The following STAU2 variants were observed in gnomAD, a reference collection of about 807,000 sequenced individuals.
STAU2 encodes double-stranded RNA-binding protein Staufen homolog 2.
STAU2 carries 20 observed loss-of-function variants against 65.9 expected under a neutral mutation model. That is an observed-to-expected ratio of 0.30 (90% CI 0.21 to 0.44). The LOEUF (loss-of-function observed/expected upper bound fraction) is 0.44, where lower values mean the gene tolerates loss of function less well. Among genes scored for constraint, STAU2 ranks in the 20% least tolerant of loss-of-function variants. The pLI, the probability that STAU2 is intolerant of heterozygous loss-of-function variation, is 1.00. For missense variants in STAU2, 558 were observed against 683.9 expected (o/e 0.82, Z 2.05); for synonymous variants, 232 against 233.9 (o/e 0.99, Z 0.07).
chr8:73,556,523 C>T (rs377712758), intron 12 of STAU2, among the ~76,000 whole-genome samples: 9 of 152,106 alleles, frequency 5.9e-5, no homozygotes, highest in African/African-American at 1.7e-4. Context: ...TTTGGGAGGC[C>T]GAAGCTGGCA....
intron 3 of STAU2, among the ~76,000 whole-genome samples, chr8:73,735,191 A>G (rs1379278562): frequency 6.6e-6 from 1 of 152,192 alleles, no homozygotes; most frequent in Non-Finnish European, 1.5e-5. Flanking sequence ...TCAGCCTCCC[A>G]AAGTGCTGGG....
chr8:73,427,155 C>A (rs1311757886), intron 13 of STAU2, among the ~76,000 whole-genome samples: 1 of 151,880 alleles, frequency 6.6e-6, no homozygotes, highest in Non-Finnish European at 1.5e-5. Flanking sequence ...CTCGAACTCC[C>A]GACCTCAGGT....
chr8:73,597,645 G>C (rs1316908935), intron 10 of STAU2, among the ~76,000 whole-genome samples: 1 of 136,156 alleles, frequency 7.3e-6, no homozygotes, highest in Non-Finnish European at 1.5e-5. Flanking sequence ...ACTCCAGCCT[G>C]GGCGATAGAG....
At position 73,448,011 on chromosome 8, in the gene STAU2, C is replaced by T. The variant is rs528920374; in HGVS notation, c.1531-25309G>A. On this transcript the variant is annotated intron_variant, in intron 13 of 14. Coordinates refer to ENST00000524300, the MANE Select transcript of STAU2 (RefSeq NM_001164380.2). ...CCAACATCTTCCAACTTCACTTCCT[C>T]GTTTCCACCACCGACCCATTCCCAA... Among the ~76,000 whole-genome samples, 5 of 152,228 alleles carry T rather than the reference C, an allele frequency of 3.3e-5. No homozygotes were observed. In the South Asian group the frequency reaches 1.0e-3, roughly 32 times the overall value.
At chr8:73,681,165 C>CTTA in intron 5 of STAU2, among the ~76,000 whole-genome samples, 2 of 152,036 alleles carry the variant, frequency 1.3e-5, no homozygotes, top group African/African-American at 4.8e-5. Context: ...CACAGTCAAT[C>CTTA]AGGTTATCTA....
intron 6 of STAU2, among the ~76,000 whole-genome samples, chr8:73,627,642 G>T (rs1240338769): frequency 1.3e-5 from 2 of 150,522 alleles, no homozygotes; most frequent in Admixed American, 6.6e-5. Context: ...AATTTATTTT[G>T]CTAATTTTGT....
Position 73,593,903 on chromosome 8 carries a change from ACACG to A in STAU2, c.1161+1259_1161+1262del, listed in dbSNP as rs950495326. ...CATACACACACACACACACACACAC[ACACG>A]TTGATGGTTCTTTTTCTTTGGAGAA... On this transcript the variant is annotated intron_variant, in intron 11 of 14. Coordinates refer to ENST00000524300, the MANE Select transcript of STAU2 (RefSeq NM_001164380.2). 7.1e-5 allele frequency among the ~76,000 whole-genome samples: 10 copies of A among 140,132 alleles called. No individual in the cohort carries two copies. In the East Asian group the frequency reaches 1.5e-3, roughly 21 times the overall value. The allele number at this position is 140,132 out of a possible 152,430, so 91.9% of individuals were successfully genotyped here.
chr8:73,465,439 A>G (rs1035495993), intron 13 of STAU2, among the ~76,000 whole-genome samples: 2 of 152,232 alleles, frequency 1.3e-5, no homozygotes, highest in African/African-American at 4.8e-5. Flanking sequence ...TTTCTTTGTT[A>G]GTAGAGGTAT....
At chr8:73,542,318 A>G (rs1806597455) in intron 13 of STAU2, among the ~76,000 whole-genome samples, 1 of 152,182 alleles carries the variant, frequency 6.6e-6, no homozygotes, top group African/African-American at 2.4e-5. Context: ...CATACCATAC[A>G]TTAAAAATTA....
intron 3 of STAU2, among the ~76,000 whole-genome samples, chr8:73,715,078 G>A (rs1358813808): frequency 3.1e-5 from 4 of 129,948 alleles, no homozygotes; most frequent in African/African-American, 9.2e-5. Context: ...GCGAGACTCC[G>A]TCTCAAAAAA....
In STAU2 at chr8:73,702,993, A is replaced by C. The variant is rs891522301; in HGVS notation, c.114+6039T>G. On this transcript the variant is annotated intron_variant, in intron 4 of 14. Transcript: ENST00000524300. ...TTGCAAAAAAATTTGGCAATGTCTT[A>C]AAAAGTTAAACATGCACCTGCTATA... 3.9e-5 allele frequency among the ~76,000 whole-genome samples: 6 copies of C among 152,244 alleles called. No homozygotes were observed. In the East Asian group the frequency reaches 1.2e-3, roughly 29 times the overall value.
intron 6 of STAU2, among the ~76,000 whole-genome samples, chr8:73,645,177 G>A (rs904687256): frequency 5.3e-5 from 8 of 152,106 alleles, no homozygotes; most frequent in African/African-American, 1.9e-4. Context: ...CATGACTATA[G>A]AGACAAAAAA....
chr8:73,698,466 G>C (rs1819836650), intron 4 of STAU2, among the ~76,000 whole-genome samples: 1 of 151,996 alleles, frequency 6.6e-6, no homozygotes, highest in Non-Finnish European at 1.5e-5. Flanking sequence ...CATATTCCAT[G>C]GCAACGGAAA....
intron 13 of STAU2, among the ~76,000 whole-genome samples, chr8:73,497,519 G>C (rs1821491290): frequency 6.6e-6 from 1 of 151,680 alleles, no homozygotes; most frequent in Non-Finnish European, 1.5e-5. Flanking sequence ...TATAAAAGCT[G>C]ATACTCAGGT....
chr8:73,424,437 G>A (rs1313923260), intron 13 of STAU2, among the ~76,000 whole-genome samples: 4 of 151,922 alleles, frequency 2.6e-5, no homozygotes, highest in African/African-American at 9.7e-5. Flanking sequence ...CTGACCTCGG[G>A]TGATCCACCC....
chr8:73,729,402 T>C (rs553459281), intron 3 of STAU2, among the ~76,000 whole-genome samples: 1 of 152,346 alleles, frequency 6.6e-6, no homozygotes, highest in South Asian at 2.1e-4. Context: ...GGTATCAGGG[T>C]AATAATACTG....
chr8:73,500,220 T>C (rs968400331), intron 13 of STAU2, among the ~76,000 whole-genome samples: 1 of 151,946 alleles, frequency 6.6e-6, no homozygotes, highest in Non-Finnish European at 1.5e-5. Flanking sequence ...AAGTCCTTTA[T>C]ACAAAATGGC....
chr8:73,424,200 TC>T (rs1816621243), intron 13 of STAU2, among the ~76,000 whole-genome samples: 2 of 110,830 alleles, frequency 1.8e-5, no homozygotes, highest in African/African-American at 7.8e-5. Context: ...CTCCTCTATG[TC>T]TTTTTTTTTT....
intron 3 of STAU2, among the ~76,000 whole-genome samples, chr8:73,724,615 T>C (rs561339776): frequency 6.6e-6 from 1 of 151,886 alleles, no homozygotes; most frequent in East Asian, 1.9e-4. Context: ...TCTGAGCACA[T>C]TTAAGGTAGG....
Sources: gnomAD v4.1 joint callset for allele counts (sites outside exome capture counted in the v4.1 genomes callset) on GRCh38, gnomAD v4.1.1 for gene constraint, MANE v1.5 for transcripts, NCBI Gene and HGNC (gene_info 2026-07-23, HGNC 2026-07-21) for gene names.